Variants in ZNF420 observed in about 807,000 individuals in gnomAD.
The protein encoded by ZNF420 is zinc finger protein 420.
Under a neutral mutation model 44.7 loss-of-function variants are expected in ZNF420, and 31 were observed. The observed-to-expected ratio is 0.69, with a 90% confidence interval of 0.52 to 0.94. The LOEUF is 0.94. Among genes scored for constraint, ZNF420 ranks in the 40% least tolerant of loss-of-function variants. The probability of loss-of-function intolerance (pLI) is 0.00; values close to 1 mark genes in which losing one functional copy is unlikely to be tolerated. For missense variants in ZNF420, 681 were observed against 827.9 expected, an observed-to-expected ratio of 0.82 and a Z score of 2.18; for synonymous variants, 245 against 267.4, an observed-to-expected ratio of 0.92 and a Z score of 0.82.
intron 1 of ZNF420, among the ~76,000 whole-genome samples, chr19:37,036,184 G>A (rs146433881): frequency 6.6e-6 from 1 of 152,114 alleles, no homozygotes; most frequent in African/African-American, 2.4e-5. Context: ...GTAGCATGAC[G>A]ATCGTTAACA....
chr19:37,129,062 G>T lies in ZNF420; in HGVS notation c.*4G>T. The T allele has an allele frequency of 6.2e-7, 1 of 1,606,130 alleles. No individual in the cohort carries two copies. Among genetic ancestry groups the T allele is most frequent in the East Asian group, 2.2e-5 (1 of 44,714 alleles). Reference sequence around the variant, plus strand: ...TGGCTCACAAGTTTACATGTGAATTGTCTGATTATTTGAGATCACTATGAA... The same window carrying T: ...TGGCTCACAAGTTTACATGTGAATTTTCTGATTATTTGAGATCACTATGAA... On this transcript the variant is annotated 3_prime_UTR_variant, in exon 5 of 5. Coordinates refer to ENST00000337995, the MANE Select transcript of ZNF420 (RefSeq NM_144689.5).
At chr19:37,118,347 G>C (rs1210260786) in intron 4 of ZNF420, among the ~76,000 whole-genome samples, 2 of 152,130 alleles carry the variant, frequency 1.3e-5, no homozygotes, top group Non-Finnish European at 2.9e-5. Flanking sequence ...TTCCAACCCA[G>C]AATTTCATAT....
rs1376956773 is a variant in ZNF420, at chr19:37,091,108, C to T, written c.123C>T (p.Asn41=). The T allele has an allele frequency of 3.1e-6, 5 of 1,589,070 alleles. No homozygotes were observed. Among genetic ancestry groups the T allele is most frequent in the Non-Finnish European group, 4.3e-6 (5 of 1,169,050 alleles). Residue 41 remains asparagine, a synonymous_variant, in exon 4 of 5, where the codon AAC becomes AAT. Coordinates refer to ENST00000337995, the MANE Select transcript of ZNF420 (RefSeq NM_144689.5). ...ATGTGATGTTGGAGAACTATAGCAACTTGGTATCACTAGGTAAGGAATCTA... is the reference window on the plus strand; with the variant it reads ...ATGTGATGTTGGAGAACTATAGCAATTTGGTATCACTAGGTAAGGAATCTA... ...YRDVMLENYS[N]LVSLDLPSRC... is the part of the protein sequence containing the mutation.
chr19:37,071,144 G>A (rs535024676), intron 1 of ZNF420, among the ~76,000 whole-genome samples: 100 of 152,208 alleles, frequency 6.6e-4, no homozygotes, highest in East Asian at 1.9e-3. Context: ...AAGAATGTTC[G>A]TAATAGAACT....
intron 4 of ZNF420, among the ~76,000 whole-genome samples, chr19:37,095,414 T>G (rs190107327): frequency 5.9e-5 from 9 of 152,326 alleles, no homozygotes; most frequent in Admixed American, 3.9e-4. Context: ...TTAGTTCTGT[T>G]CTTTTTTTAA....
At chr19:37,084,050 T>TA (rs1181986832) in intron 2 of ZNF420, among the ~76,000 whole-genome samples, 3 of 152,192 alleles carry the variant, frequency 2.0e-5, no homozygotes, top group Admixed American at 2.0e-4. Flanking sequence ...TTCTCACTGA[T>TA]ATATGTGTGT....
intron 4 of ZNF420, among the ~76,000 whole-genome samples, chr19:37,122,164 G>A (rs1414666022): frequency 1.3e-5 from 2 of 152,056 alleles, no homozygotes; most frequent in Admixed American, 6.6e-5. Context: ...ACATGCACAC[G>A]TATGTTTATT....
intron 4 of ZNF420, among the ~76,000 whole-genome samples, chr19:37,096,435 A>G (rs910216987): frequency 6.6e-6 from 1 of 152,174 alleles, no homozygotes; most frequent in Non-Finnish European, 1.5e-5. Flanking sequence ...CCAAGACTGA[A>G]AAGTCCCTTG....
At chr19:37,029,382 C>A (rs1446263346) in intron 1 of ZNF420, among the ~76,000 whole-genome samples, 1 of 152,102 alleles carries the variant, frequency 6.6e-6, no homozygotes, top group East Asian at 1.9e-4. Context: ...CATTATTGCA[C>A]ATTTACATTT....
chr19:37,129,280 G>A lies in ZNF420; in HGVS notation c.*222G>A. 2 of 556,584 alleles carry A rather than the reference G, an allele frequency of 3.6e-6. No individual in the cohort carries two copies. Among genetic ancestry groups the A allele is most frequent in the Middle Eastern group, 9.5e-4 (2 of 2,106 alleles). The allele number at this position is 556,584 out of a possible 1,614,324, so 34.5% of individuals were successfully genotyped here. ...AATAGTTTTAATATAGTAAATGTAGGAAGCCCTTTAGCCATATTGAAAACA... is the reference window on the plus strand; with the variant it reads ...AATAGTTTTAATATAGTAAATGTAGAAAGCCCTTTAGCCATATTGAAAACA... On this transcript the variant is annotated 3_prime_UTR_variant, in exon 5 of 5. Transcript: ENST00000337995.
chr19:37,056,761 C>G (rs989530699), intron 1 of ZNF420, among the ~76,000 whole-genome samples: 2 of 152,234 alleles, frequency 1.3e-5, no homozygotes, highest in African/African-American at 2.4e-5. Context: ...CCCGAGCAGG[C>G]GCCCTGAAGC....
chr19:37,090,404 C>T (rs1006772408), intron 3 of ZNF420, among the ~76,000 whole-genome samples: 3 of 151,894 alleles, frequency 2.0e-5, no homozygotes, highest in Non-Finnish European at 2.9e-5. Flanking sequence ...CTCAACTACT[C>T]AGGAGAATGA....
chr19:37,014,512 C>T (rs1486665401), intron 1 of ZNF420, among the ~76,000 whole-genome samples: 4 of 152,164 alleles, frequency 2.6e-5, no homozygotes, highest in Non-Finnish European at 5.9e-5. Flanking sequence ...AACACGAAGT[C>T]GGCTTAAGGA....
At chr19:37,125,863 C>G (rs1377159521) in intron 4 of ZNF420, among the ~76,000 whole-genome samples, 2 of 152,202 alleles carry the variant, frequency 1.3e-5, no homozygotes, top group Non-Finnish European at 2.9e-5. Flanking sequence ...TCTACTGTTT[C>G]TCCTTTATTC....
intron 1 of ZNF420, among the ~76,000 whole-genome samples, chr19:37,060,482 C>T (rs971012020): frequency 6.6e-6 from 1 of 152,174 alleles, no homozygotes; most frequent in Admixed American, 6.5e-5. Flanking sequence ...TCTGTCTCTT[C>T]TGTTTCTGAG....
chr19:37,129,948 G>C lies in ZNF420; in HGVS notation c.*890G>C. 1 of 1,392,390 alleles carries C rather than the reference G, an allele frequency of 7.2e-7. No homozygotes were observed. The highest frequency in any genetic ancestry group is 1.7e-5 in the South Asian group (1 of 57,656). 86.3% of individuals were successfully genotyped at this position (1,392,390 alleles called of 1,614,324 possible). Reference sequence around the variant, plus strand: ...TACAGACTATTTTGCAATGAAAAATGATGAGAGTTTGTGATACAGACTGCT... The same window carrying C: ...TACAGACTATTTTGCAATGAAAAATCATGAGAGTTTGTGATACAGACTGCT... On this transcript the variant is annotated 3_prime_UTR_variant, in exon 5 of 5. Transcript: ENST00000337995.
intron 2 of ZNF420, among the ~76,000 whole-genome samples, chr19:37,084,109 G>A (rs1287622382): frequency 6.6e-6 from 1 of 152,066 alleles, no homozygotes; most frequent in Non-Finnish European, 1.5e-5. Context: ...GACTAACAAT[G>A]CCAATATTAT....
chr19:37,096,177 AT>A (rs1007303543), intron 4 of ZNF420: 4 of 151,474 alleles, frequency 2.6e-5, no homozygotes, highest in African/African-American at 9.7e-5. Context: ...TTTAAATGTA[AT>A]TGATTATATT....
At chr19:37,050,475 G>C (rs763509862) in intron 1 of ZNF420, among the ~76,000 whole-genome samples, 5 of 152,138 alleles carry the variant, frequency 3.3e-5, no homozygotes, top group Non-Finnish European at 5.9e-5. Flanking sequence ...TCTCTTTGAA[G>C]GAATTGTGAA....
Sources: allele counts gnomAD v4.1 joint callset (sites outside exome capture counted in the v4.1 genomes callset), GRCh38; gene constraint gnomAD v4.1.1; transcripts MANE v1.5; gene names NCBI Gene and HGNC (gene_info 2026-07-23, HGNC 2026-07-21).